NEBL: variants seen among roughly 807,000 people sequenced by gnomAD.
NEBL encodes LIM and SH3 protein 2.
A neutral mutation model predicts 140.2 loss-of-function variants in NEBL; 122 were observed. The observed-to-expected ratio is 0.87, with a 90% confidence interval of 0.75 to 1.01. NEBL has a LOEUF of 1.01. NEBL is among the 50% of genes least tolerant of loss of function. NEBL has a pLI of 0.00. For missense variants in NEBL, 1,365 were observed against 1,231.3 expected, an observed-to-expected ratio of 1.11 and a Z score of -1.62; for synonymous variants, 436 against 398.9, an observed-to-expected ratio of 1.09 and a Z score of -1.11.
At chr10:21,103,764 T>C (rs2094403) in intron 2 of NEBL, among the ~76,000 whole-genome samples, 15,609 of 152,166 alleles carry the variant, frequency 0.1, 852 homozygotes, top group South Asian at 0.15. Context: ...ATTATTAGTA[T>C]CTTTTGAAAA....
intron 3 of NEBL, among the ~76,000 whole-genome samples, chr10:21,236,907 G>A (rs1291395867): frequency 1.3e-5 from 2 of 152,180 alleles, no homozygotes; most frequent in Non-Finnish European, 2.9e-5. Flanking sequence ...TACCTAGTAA[G>A]ATAGGTACTA....
At chr10:21,043,293 T>C (rs1299973883) in intron 2 of NEBL, among the ~76,000 whole-genome samples, 1 of 152,160 alleles carries the variant, frequency 6.6e-6, no homozygotes, top group South Asian at 2.1e-4. Flanking sequence ...CAACCAGTTG[T>C]CATCCTACAA....
chr10:20,836,298 C>A (rs74758473), intron 13 of NEBL, among the ~76,000 whole-genome samples: 3 of 152,268 alleles, frequency 2.0e-5, no homozygotes, highest in African/African-American at 7.2e-5. Context: ...TCTCGGCTCA[C>A]TGCAACTTGT....
At chr10:21,144,682 A>G (rs1488853833) in intron 2 of NEBL, among the ~76,000 whole-genome samples, 2 of 152,066 alleles carry the variant, frequency 1.3e-5, no homozygotes, top group East Asian at 3.9e-4. Flanking sequence ...AGCCGAGATC[A>G]TGTCACTGCA....
At chr10:20,947,644 T>C (rs1430961068) in intron 4 of NEBL, among the ~76,000 whole-genome samples, 2 of 152,092 alleles carry the variant, frequency 1.3e-5, no homozygotes, top group East Asian at 3.9e-4. Flanking sequence ...GGCTTTGCTA[T>C]TTACAAATCA....
At chr10:20,996,893 A>C (rs1837689116) in intron 3 of NEBL, among the ~76,000 whole-genome samples, 1 of 152,206 alleles carries the variant, frequency 6.6e-6, no homozygotes, top group Non-Finnish European at 1.5e-5. Context: ...TCTAAACCCC[A>C]GAATACATTT....
At chr10:20,895,240 T>C (rs1014255767) in intron 2 of NEBL, among the ~76,000 whole-genome samples, 2 of 152,204 alleles carry the variant, frequency 1.3e-5, no homozygotes, top group Non-Finnish European at 2.9e-5. Context: ...CAGCTATAAT[T>C]GCACTTCAAT....
chr10:21,191,322 A>T (rs1252498276), intron 3 of NEBL, among the ~76,000 whole-genome samples: 1 of 152,228 alleles, frequency 6.6e-6, no homozygotes, highest in Non-Finnish European at 1.5e-5. Flanking sequence ...CCCATTTTAT[A>T]GATGAGGAAA....
intron 3 of NEBL, among the ~76,000 whole-genome samples, chr10:21,239,926 G>A (rs993386380): frequency 2.6e-5 from 4 of 151,790 alleles, no homozygotes; most frequent in African/African-American, 9.7e-5. Flanking sequence ...TGAGGCAGGA[G>A]AATGGCATGA....
chr10:20,921,001 G>A (rs1364425330), intron 4 of NEBL, among the ~76,000 whole-genome samples: 1 of 152,110 alleles, frequency 6.6e-6, no homozygotes, highest in African/African-American at 2.4e-5. Context: ...GTGTTTACCA[G>A]CTCTGTCCAC....
At chr10:20,934,838 A>C (rs1210070644) in intron 4 of NEBL, among the ~76,000 whole-genome samples, 1 of 152,194 alleles carries the variant, frequency 6.6e-6, no homozygotes, top group Non-Finnish European at 1.5e-5. Context: ...AAATGCACCT[A>C]CTATTTCATT....
intron 3 of NEBL, among the ~76,000 whole-genome samples, chr10:21,227,098 T>C (rs974475827): frequency 6.6e-6 from 1 of 152,184 alleles, no homozygotes; most frequent in Admixed American, 6.6e-5. Context: ...AATGTTGTTA[T>C]TGTTCAGTGA....
At chr10:20,793,665 C>T (rs1308150595) in intron 26 of NEBL, among the ~76,000 whole-genome samples, 2 of 151,900 alleles carry the variant, frequency 1.3e-5, no homozygotes, top group Non-Finnish European at 2.9e-5. Context: ...GCGATCCTCC[C>T]ACCACAGCCT....
chr10:21,039,640 T>C (rs1453733525), intron 2 of NEBL, among the ~76,000 whole-genome samples: 1 of 152,204 alleles, frequency 6.6e-6, no homozygotes, highest in Non-Finnish European at 1.5e-5. Context: ...AATGGTGTTT[T>C]TAAAACTTTG....
At chr10:21,208,800 T>C (rs1051696175) in intron 3 of NEBL, among the ~76,000 whole-genome samples, 8 of 151,990 alleles carry the variant, frequency 5.3e-5, no homozygotes, top group Non-Finnish European at 8.8e-5. Context: ...CCCACTTAAC[T>C]GCAGGGGCCT....
At chr10:21,234,229 C>T (rs1339700756) in intron 3 of NEBL, among the ~76,000 whole-genome samples, 1 of 152,006 alleles carries the variant, frequency 6.6e-6, no homozygotes, top group Non-Finnish European at 1.5e-5. Context: ...TCCTCCAAAT[C>T]ACATGTTGAA....
intron 4 of NEBL, among the ~76,000 whole-genome samples, chr10:20,954,181 G>A (rs767270141): frequency 1.3e-5 from 2 of 152,160 alleles, no homozygotes; most frequent in Non-Finnish European, 2.9e-5. Context: ...CTTTCAAGAA[G>A]AAAATTGATG....
chr10:20,790,797 C>A (rs1207727421), intron 26 of NEBL, among the ~76,000 whole-genome samples: 1 of 152,138 alleles, frequency 6.6e-6, no homozygotes, highest in Non-Finnish European at 1.5e-5. Context: ...AAAGCAATGG[C>A]TTCACATTTG....
chr10:21,284,036 T>TA (rs5783774), intron 1 of NEBL, among the ~76,000 whole-genome samples: 12,261 of 67,568 alleles, frequency 0.18, 1,450 homozygotes, highest in African/African-American at 0.37. Flanking sequence ...TAATCTGCAC[T>TA]AAAAAAAAAA....
Sources: gnomAD v4.1 joint callset for allele counts (sites outside exome capture counted in the v4.1 genomes callset) on GRCh38, gnomAD v4.1.1 for gene constraint, MANE v1.5 for transcripts, NCBI Gene and HGNC (gene_info 2026-07-23, HGNC 2026-07-21) for gene names.